Variants in SYNDIG1 observed in about 807,000 individuals in gnomAD.
The protein encoded by SYNDIG1 is synapse differentiation-inducing gene protein 1.
SYNDIG1 carries 9 observed loss-of-function variants against 19.4 expected under a neutral mutation model. The ratio of observed to expected loss-of-function variants is 0.46; its 90% CI spans 0.28 to 0.81. SYNDIG1 has a LOEUF of 0.81. Among genes scored for constraint, SYNDIG1 ranks in the 30% least tolerant of loss-of-function variants. SYNDIG1 has a pLI of 0.12. For synonymous variants in SYNDIG1, 141 were observed against 145.9 expected (o/e 0.97, Z 0.24); for missense variants, 311 against 343.3 (o/e 0.91, Z 0.74).
At chr20:24,570,436 A>C (rs191028379) in intron 2 of SYNDIG1, among the ~76,000 whole-genome samples, 1 of 152,258 alleles carries the variant, frequency 6.6e-6, no homozygotes, top group Non-Finnish European at 1.5e-5. Context: ...CAGAAAAATT[A>C]TCTCTTAAAT....
chr20:24,663,506 C>G (rs2059621296), intron 3 of SYNDIG1, among the ~76,000 whole-genome samples: 1 of 152,148 alleles, frequency 6.6e-6, no homozygotes, highest in Non-Finnish European at 1.5e-5. Context: ...GGAACTGTGC[C>G]CCAGTTAGAG....
chr20:24,487,651 G>A (rs975827266), intron 1 of SYNDIG1, among the ~76,000 whole-genome samples: 3 of 151,880 alleles, frequency 2.0e-5, no homozygotes, highest in Non-Finnish European at 4.4e-5. Context: ...ATATGTGTGT[G>A]TATAAGTATG....
chr20:24,549,445 TCC>T (rs2057660038), intron 2 of SYNDIG1, among the ~76,000 whole-genome samples: 2 of 152,194 alleles, frequency 1.3e-5, no homozygotes, highest in African/African-American at 4.8e-5. Flanking sequence ...ATGGGAGAGT[TCC>T]CTGATTCCCC....
intron 2 of SYNDIG1, among the ~76,000 whole-genome samples, chr20:24,566,857 C>T (rs777528783): frequency 1.7e-4 from 26 of 152,194 alleles, no homozygotes; most frequent in African/African-American, 5.5e-4. Context: ...TGCATTCCTA[C>T]GGCTGCTAGG....
chr20:24,625,361 C>T (rs1256059180), intron 3 of SYNDIG1, among the ~76,000 whole-genome samples: 1 of 150,668 alleles, frequency 6.6e-6, no homozygotes, highest in Admixed American at 6.6e-5. Flanking sequence ...GAAAGACGGG[C>T]CATCACTCCA....
chr20:24,662,267 C>T (rs1407317143), intron 3 of SYNDIG1, among the ~76,000 whole-genome samples: 3 of 151,870 alleles, frequency 2.0e-5, no homozygotes, highest in African/African-American at 4.8e-5. Flanking sequence ...GAAGGGGGTG[C>T]TTCCATAGCT....
At chr20:24,496,352 C>T (rs1353185228) in intron 1 of SYNDIG1, among the ~76,000 whole-genome samples, 1 of 152,238 alleles carries the variant, frequency 6.6e-6, no homozygotes, top group South Asian at 2.1e-4. Context: ...AGTTAATGAA[C>T]ATGGATATCT....
At chr20:24,473,730 G>T (rs1352839249) in intron 1 of SYNDIG1, among the ~76,000 whole-genome samples, 1 of 152,146 alleles carries the variant, frequency 6.6e-6, no homozygotes, top group Non-Finnish European at 1.5e-5. Context: ...AATCTGGAAG[G>T]TCCCATTTGT....
At chr20:24,585,049 G>A in intron 3 of SYNDIG1, 56 bp downstream of exon 3, 3 of 1,266,512 alleles carry the variant, frequency 2.4e-6, no homozygotes, top group Admixed American at 2.1e-5. Context: ...GGGTGGGGGT[G>A]GGGGCGGCAA....
chr20:24,634,181 G>C (rs958054548), intron 3 of SYNDIG1, among the ~76,000 whole-genome samples: 4 of 152,128 alleles, frequency 2.6e-5, no homozygotes, highest in Admixed American at 1.3e-4. Flanking sequence ...GGGCAGTTTT[G>C]ATTTACACGT....
intron 3 of SYNDIG1, among the ~76,000 whole-genome samples, chr20:24,626,210 C>CG (rs1555811925): frequency 9.9e-6 from 1 of 101,388 alleles, no homozygotes. Context: ...GCTGGCCTGG[C>CG]GGGGGCTGAC....
chr20:24,497,499 C>G (rs1444207934), intron 1 of SYNDIG1, among the ~76,000 whole-genome samples: 1 of 152,300 alleles, frequency 6.6e-6, no homozygotes, highest in South Asian at 2.1e-4. Context: ...CTGTGCCTGG[C>G]CTCGGTTTCT....
intron 1 of SYNDIG1, among the ~76,000 whole-genome samples, chr20:24,514,015 A>G (rs775348339): frequency 3.3e-5 from 5 of 152,226 alleles, no homozygotes; most frequent in Non-Finnish European, 7.3e-5. Context: ...TTTCATATCC[A>G]GCCAAACTAA....
At chr20:24,483,900 C>T (rs1179200447) in intron 1 of SYNDIG1, among the ~76,000 whole-genome samples, 1 of 152,094 alleles carries the variant, frequency 6.6e-6, no homozygotes, top group Non-Finnish European at 1.5e-5. Flanking sequence ...ATGCTGCGTC[C>T]AGATGCAGCC....
intron 3 of SYNDIG1, among the ~76,000 whole-genome samples, chr20:24,606,393 T>C (rs1600728803): frequency 6.6e-6 from 1 of 152,248 alleles, no homozygotes; most frequent in East Asian, 1.9e-4. Context: ...ACTATTTCAC[T>C]GAATTCTAAT....
intron 1 of SYNDIG1, among the ~76,000 whole-genome samples, chr20:24,542,451 T>C (rs963785880): frequency 1.3e-5 from 2 of 152,178 alleles, no homozygotes. Context: ...TGCTTCTGGT[T>C]CTCAGCAAAT....
intron 3 of SYNDIG1, among the ~76,000 whole-genome samples, chr20:24,615,452 G>A (rs996622743): frequency 1.3e-5 from 2 of 152,194 alleles, no homozygotes; most frequent in African/African-American, 4.8e-5. Context: ...CCCAGCAAGA[G>A]AGGCCACCTC....
chr20:24,485,321 T>A (rs752647812), intron 1 of SYNDIG1, among the ~76,000 whole-genome samples: 1 of 152,252 alleles, frequency 6.6e-6, no homozygotes, highest in Non-Finnish European at 1.5e-5. Context: ...GGTGCTATAC[T>A]TGAGTCCATG....
At chr20:24,597,247 GA>G (rs1159900114) in intron 3 of SYNDIG1, 1 of 152,220 alleles carries the variant, frequency 6.6e-6, no homozygotes, top group Non-Finnish European at 1.5e-5. Context: ...TGCAGTTTGG[GA>G]GGGAAGAAAT....
Sources: allele counts gnomAD v4.1 joint callset (sites outside exome capture counted in the v4.1 genomes callset), GRCh38; gene constraint gnomAD v4.1.1; transcripts MANE v1.5; gene names NCBI Gene and HGNC (gene_info 2026-07-23, HGNC 2026-07-21).